The following HS3ST4 variants were observed in gnomAD, a reference collection of about 807,000 sequenced individuals.
The protein encoded by HS3ST4 is heparan sulfate-glucosamine 3-sulfotransferase 4, also known as heparan sulfate glucosamine 3-O-sulfotransferase 4.
A neutral mutation model predicts 29.2 loss-of-function variants in HS3ST4; 17 were observed. The ratio of observed to expected loss-of-function variants is 0.58; its 90% CI spans 0.40 to 0.87. The LOEUF is 0.87. Among genes scored for constraint, HS3ST4 ranks in the 40% least tolerant of loss-of-function variants. HS3ST4 has a pLI of 0.00. For missense variants in HS3ST4, 627 were observed against 634.5 expected (o/e 0.99, Z 0.13); for synonymous variants, 314 against 285.7 (o/e 1.10, Z -1.00).
chr16:26,043,802 G>A (rs868819515), intron 1 of HS3ST4, among the ~76,000 whole-genome samples: 5 of 151,984 alleles, frequency 3.3e-5, no homozygotes, highest in South Asian at 2.1e-4. Flanking sequence ...TTGTACCCCC[G>A]CCTTCCATGA....
intron 1 of HS3ST4, among the ~76,000 whole-genome samples, chr16:25,717,661 A>G (rs1164445103): frequency 6.6e-6 from 1 of 152,052 alleles, no homozygotes; most frequent in South Asian, 2.1e-4. Flanking sequence ...TCTGGGAGAC[A>G]CGGAGAAGGA....
chr16:25,997,187 T>C (rs571459267), intron 1 of HS3ST4, among the ~76,000 whole-genome samples: 2 of 152,340 alleles, frequency 1.3e-5, no homozygotes, highest in South Asian at 4.1e-4. Flanking sequence ...CTCCTTTTCT[T>C]GTCTTATTGT....
At position 25,986,764 on chromosome 16, in the gene HS3ST4, A is replaced by G. The variant is rs575250741; in HGVS notation, c.735-148848A>G. Among the ~76,000 whole-genome samples, 21 of 152,310 alleles carry G rather than the reference A, an allele frequency of 1.4e-4. No homozygotes were observed. The South Asian group carries it at 4.4e-3, about 32-fold the overall frequency. ...CTTCTCCACCTTCAAACAGACCAAGATTCTCAAAGGGAGGCATGGTGGCGC... is the reference window on the plus strand; with the variant it reads ...CTTCTCCACCTTCAAACAGACCAAGGTTCTCAAAGGGAGGCATGGTGGCGC... On this transcript the variant is annotated intron_variant, in intron 1 of 1. Coordinates refer to ENST00000331351, the MANE Select transcript of HS3ST4 (RefSeq NM_006040.3).
At chr16:25,941,137 C>A (rs1367929927) in intron 1 of HS3ST4, among the ~76,000 whole-genome samples, 3 of 152,030 alleles carry the variant, frequency 2.0e-5, no homozygotes, top group African/African-American at 7.2e-5. Context: ...AACCCAATAC[C>A]CTGTTTTTTT....
intron 1 of HS3ST4, among the ~76,000 whole-genome samples, chr16:26,060,369 A>C (rs2141770686): frequency 6.6e-6 from 1 of 152,230 alleles, no homozygotes; most frequent in African/African-American, 2.4e-5. Flanking sequence ...CCACCAGATT[A>C]ACTTCAATTC....
intron 1 of HS3ST4, among the ~76,000 whole-genome samples, chr16:25,897,508 C>T (rs942519350): frequency 2.6e-5 from 4 of 152,168 alleles, no homozygotes; most frequent in African/African-American, 9.6e-5. Flanking sequence ...CACAGACGGG[C>T]TGGCTACATG....
chr16:26,085,571 T>C (rs1898776348), intron 1 of HS3ST4, among the ~76,000 whole-genome samples: 1 of 152,108 alleles, frequency 6.6e-6, no homozygotes, highest in Admixed American at 6.6e-5. Context: ...AAAAAATAGC[T>C]GATTAAAAGT....
chr16:25,929,371 A>G (rs986955703), intron 1 of HS3ST4, among the ~76,000 whole-genome samples: 1 of 151,566 alleles, frequency 6.6e-6, no homozygotes, highest in Non-Finnish European at 1.5e-5. Flanking sequence ...TCTCAAACAA[A>G]CAAACAAAAA....
Position 25,912,718 on chromosome 16 carries a change from C to T in HS3ST4, c.734+219567C>T, listed in dbSNP as rs113731316. Among the ~76,000 whole-genome samples the T allele has an allele frequency of 4.8e-3, 733 of 152,260 alleles. 21 individuals are homozygous for T. The highest frequency in any genetic ancestry group is 2.1e-3 in the East Asian group (11 of 5,184). ...GCTTAATTCTGAACACCACTGACTG[C>T]GGTTGCTGAAGATGTTAACATACCC... On this transcript the variant is annotated intron_variant, in intron 1 of 1. Coordinates refer to ENST00000331351, the MANE Select transcript of HS3ST4 (RefSeq NM_006040.3).
chr16:25,738,828 T>C (rs1239336717), intron 1 of HS3ST4, among the ~76,000 whole-genome samples: 1 of 152,196 alleles, frequency 6.6e-6, no homozygotes, highest in Admixed American at 6.5e-5. Flanking sequence ...AACCATACTC[T>C]CTGATTACTG....
chr16:25,978,100 C>A (rs934570251), intron 1 of HS3ST4, among the ~76,000 whole-genome samples: 1 of 152,246 alleles, frequency 6.6e-6, no homozygotes, highest in Admixed American at 6.5e-5. Flanking sequence ...AACAATGCTA[C>A]CTTCAACGTT....
intron 1 of HS3ST4, among the ~76,000 whole-genome samples, chr16:26,092,880 C>G (rs1898874165): frequency 1.3e-5 from 2 of 152,172 alleles, no homozygotes; most frequent in South Asian, 4.1e-4. Context: ...CGGGACACTC[C>G]CACTCAAATA....
intron 1 of HS3ST4, among the ~76,000 whole-genome samples, chr16:25,848,846 G>A (rs1357719990): frequency 4.6e-5 from 7 of 151,136 alleles, no homozygotes; most frequent in Non-Finnish European, 7.4e-5. Context: ...TCCTTTTCCA[G>A]CTTCCTGAGT....
At chr16:25,754,331 C>G (rs1446251027) in intron 1 of HS3ST4, among the ~76,000 whole-genome samples, 1 of 151,544 alleles carries the variant, frequency 6.6e-6, no homozygotes, top group Non-Finnish European at 1.5e-5. Context: ...CATCCACCCA[C>G]CCACCCATCC....
At chr16:25,730,603 T>C (rs1411852849) in intron 1 of HS3ST4, among the ~76,000 whole-genome samples, 2 of 134,628 alleles carry the variant, frequency 1.5e-5, no homozygotes, top group Non-Finnish European at 3.2e-5. Context: ...CTTCCTTCCT[T>C]CTTTCCTTCT....
At chr16:25,912,613 C>T (rs1043754578) in intron 1 of HS3ST4, among the ~76,000 whole-genome samples, 1 of 152,172 alleles carries the variant, frequency 6.6e-6, no homozygotes, top group Non-Finnish European at 1.5e-5. Context: ...CTTTCTTTAT[C>T]ACTGCATCCT....
intron 1 of HS3ST4, among the ~76,000 whole-genome samples, chr16:25,767,963 T>C (rs564726918): frequency 9.9e-4 from 150 of 152,204 alleles, no homozygotes; most frequent in South Asian, 2.9e-3. Context: ...CATGAACGAG[T>C]AGAGTCACAT....
chr16:26,004,966 G>A (rs1419401795), intron 1 of HS3ST4, among the ~76,000 whole-genome samples: 1 of 152,070 alleles, frequency 6.6e-6, no homozygotes, highest in African/African-American at 2.4e-5. Context: ...TACATTGCCT[G>A]TGGTTTTTGT....
At chr16:25,801,763 A>C (rs1270524826) in intron 1 of HS3ST4, among the ~76,000 whole-genome samples, 1 of 152,174 alleles carries the variant, frequency 6.6e-6, no homozygotes, top group African/African-American at 2.4e-5. Context: ...CTATTTATTT[A>C]ATCATAAATA....
Sources: allele counts gnomAD v4.1 joint callset (sites outside exome capture counted in the v4.1 genomes callset), GRCh38; gene constraint gnomAD v4.1.1; transcripts MANE v1.5; gene names NCBI Gene and HGNC (gene_info 2026-07-23, HGNC 2026-07-21).